The following SCN10A variants were observed in gnomAD, a reference collection of about 807,000 sequenced individuals.
SCN10A encodes sodium voltage-gated channel alpha subunit 10.
SCN10A carries 162 observed loss-of-function variants against 170.7 expected under a neutral mutation model. The ratio of observed to expected loss-of-function variants is 0.95; its 90% CI spans 0.84 to 1.08. The LOEUF is 1.08. SCN10A is among the 50% of genes least tolerant of loss of function. The pLI is 0.00. For synonymous variants in SCN10A, 985 were observed against 904.6 expected, an observed-to-expected ratio of 1.09 and a Z score of -1.59; for missense variants, 2,527 against 2,436.9, an observed-to-expected ratio of 1.04 and a Z score of -0.78.
At chr3:38,803,480 A>T (rs577569559) in intron 1 of SCN10A, among the ~76,000 whole-genome samples, 1 of 152,274 alleles carries the variant, frequency 6.6e-6, no homozygotes, top group Admixed American at 6.5e-5. Context: ...ATAAAAAAGG[A>T]TGATTTCATG....
intron 1 of SCN10A, among the ~76,000 whole-genome samples, chr3:38,805,477 C>A (rs2064399654): frequency 6.6e-6 from 1 of 152,102 alleles, no homozygotes; most frequent in African/African-American, 2.4e-5. Context: ...CTGGTCAAGA[C>A]TTTAAGAAGA....
At chr3:38,748,367 C>T (rs1013330397) in intron 13 of SCN10A, among the ~76,000 whole-genome samples, 10 of 152,146 alleles carry the variant, frequency 6.6e-5, no homozygotes, top group Admixed American at 6.5e-4. Flanking sequence ...AATGAGTACA[C>T]ATTTCTCAAA....
At chr3:38,770,880 C>T (rs2063991095) in intron 5 of SCN10A, among the ~76,000 whole-genome samples, 1 of 152,290 alleles carries the variant, frequency 6.6e-6, no homozygotes, top group Non-Finnish European at 1.5e-5. Flanking sequence ...GGAGTGCCTA[C>T]AAGGCACTTC....
intron 21 of SCN10A, among the ~76,000 whole-genome samples, chr3:38,718,219 A>G (rs1020134731): frequency 8.5e-5 from 13 of 152,216 alleles, no homozygotes; most frequent in African/African-American, 3.1e-4. Context: ...TGCATATTTC[A>G]TAGCTCCCCA....
At position 38,697,781 on chromosome 3, in the gene SCN10A, T is replaced by C. The variant is rs1575915291; in HGVS notation, c.5439A>G (p.Gly1813=). 1.2e-6 allele frequency: 2 copies of C among 1,614,206 alleles called. No homozygotes were observed. The highest frequency in any genetic ancestry group is 1.7e-6 in the Non-Finnish European group (2 of 1,180,030). Residue 1813 remains glycine (G), a synonymous_variant, in exon 28 of 28, where the codon GGA becomes GGG. Transcript: ENST00000449082. ...TCAGAGAATCCAACTCCCCGGATTCTCCTAGGACATTCTTGGTGAAAGCAA... is the reference window on the plus strand; with the variant it reads ...TCAGAGAATCCAACTCCCCGGATTCCCCTAGGACATTCTTGGTGAAAGCAA... The part of the protein sequence containing the change: ...ILFAFTKNVL[G]ESGELDSLKA...
At chr3:38,716,143 A>T (rs1296581695) in intron 21 of SCN10A, among the ~76,000 whole-genome samples, 1 of 151,878 alleles carries the variant, frequency 6.6e-6, no homozygotes, top group Non-Finnish European at 1.5e-5. Flanking sequence ...ACAGGGGGAG[A>T]AATGGGTAAC....
At chr3:38,784,951 A>G (rs1268554949) in intron 4 of SCN10A, among the ~76,000 whole-genome samples, 1 of 152,186 alleles carries the variant, frequency 6.6e-6, no homozygotes, top group Non-Finnish European at 1.5e-5. Flanking sequence ...CTTCAAGGAG[A>G]ACTAAAAATC....
chr3:38,750,973 C>T (rs1174035916), intron 12 of SCN10A, among the ~76,000 whole-genome samples: 1 of 152,204 alleles, frequency 6.6e-6, no homozygotes, highest in Non-Finnish European at 1.5e-5. Context: ...TCCATTTGCC[C>T]TGGAGACCTA....
At position 38,750,117 on chromosome 3, in the gene SCN10A, T is replaced by C. The variant is rs1324748514; in HGVS notation, c.1823A>G (p.Gln608Arg). ...GATACTGACAACACTCATTGCCCTT[T>C]GGGCCCGGAAAGGTTCATCTAAGTA... ...AEYLDEPFRA[Q>R]RAMSVVSIIT... The change falls in exon 13 of 28, where the codon CAA (glutamine) becomes CGA (arginine). Residue 608 changes from glutamine (Q) to arginine (R), a missense_variant. Gln to Arg is a conservative substitution (Grantham distance 43, BLOSUM62 1). Transcript: ENST00000449082. 4 of 1,613,208 alleles carry C rather than the reference T, an allele frequency of 2.5e-6. No homozygotes were observed. The highest frequency in any genetic ancestry group is 3.4e-6 in the Non-Finnish European group (4 of 1,179,450).
At chr3:38,747,029 C>T (rs991950759) in intron 13 of SCN10A, among the ~76,000 whole-genome samples, 1 of 152,166 alleles carries the variant, frequency 6.6e-6, no homozygotes, top group Non-Finnish European at 1.5e-5. Context: ...ATGAAGCATC[C>T]TTCAGGTGTC....
rs2125988853 is a variant in SCN10A at position 38,710,896 on chromosome 3, G to A, written c.4091C>T (p.Ala1364Val). The change falls in exon 24 of 28, where the codon GCA becomes GTA. Residue 1364 changes from alanine (A) to valine (V), a missense_variant and splice_region_variant. Ala to Val is a moderately conservative substitution (Grantham distance 64). Transcript: ENST00000449082. ...AMGYLALLQVATFKGWMDIMY... is the reference protein window; with the variant it reads ...AMGYLALLQVVTFKGWMDIMY... Reference sequence around the variant, plus strand: ...AATGTCCATCCAGCCTTTAAAGGTTGCCTGGAGACAAGGAGCAGAGGCCAC... The same window carrying A: ...AATGTCCATCCAGCCTTTAAAGGTTACCTGGAGACAAGGAGCAGAGGCCAC... The A allele has an allele frequency of 6.2e-7, 1 of 1,613,558 alleles. No individual in the cohort carries two copies. The highest frequency in any genetic ancestry group is 1.1e-5 in the South Asian group (1 of 90,914).
chr3:38,750,807 T>G (rs936901275), intron 12 of SCN10A, among the ~76,000 whole-genome samples: 1 of 152,160 alleles, frequency 6.6e-6, no homozygotes, highest in African/African-American at 2.4e-5. Flanking sequence ...GGTCAGAATA[T>G]CTAGACACAT....
rs9867199 is a variant in SCN10A, at chr3:38,799,124, A to G, written c.-32-5082T>C. Among the ~76,000 whole-genome samples, 1,165 of 152,028 alleles carry G rather than the reference A, an allele frequency of 7.7e-3. 17 individuals are homozygous for G. Among genetic ancestry groups the G allele is most frequent in the African/African-American group, 0.027 (1,107 of 41,480 alleles). On this transcript the variant is annotated intron_variant, in intron 1 of 27. Coordinates refer to ENST00000449082, the MANE Select transcript of SCN10A (RefSeq NM_006514.4). The stretch of plus-strand genomic sequence containing the variant: ...ATCAGGTGGGAGGGGTTCTTTCTCT[A>G]TTGTTCTTCTCTAAAGATCCCATGT...
intron 26 of SCN10A, among the ~76,000 whole-genome samples, chr3:38,706,465 A>G (rs1446567332): frequency 2.0e-5 from 3 of 152,214 alleles, no homozygotes; most frequent in Admixed American, 6.5e-5. Flanking sequence ...GGCCAATTCC[A>G]TTCACTGGAG....
Position 38,755,775 on chromosome 3 carries a change from C to G in SCN10A, c.1461+13G>C. The G allele has an allele frequency of 3.1e-6, 5 of 1,613,002 alleles. No homozygotes were observed. Among genetic ancestry groups the G allele is most frequent in the Non-Finnish European group, 4.2e-6 (5 of 1,179,960 alleles). ...GGTGGGTAATCTTTAGAGCACAAAC[C>G]TGAGCCTCTTACCATCCTGCGCTGG... On this transcript the variant is annotated intron_variant, in intron 11 of 27. Coordinates refer to ENST00000449082, the MANE Select transcript of SCN10A (RefSeq NM_006514.4).
rs1380674872 is a variant in SCN10A, at chr3:38,727,065, A to G, written c.2641-13T>C. 3.8e-6 allele frequency: 6 copies of G among 1,593,338 alleles called. No homozygotes were observed. Among genetic ancestry groups the G allele is most frequent in the Middle Eastern group, 1.7e-4 (1 of 6,034 alleles). ...ACAGGTTAAGCACCTGAAGAGAAGG[A>G]ATGGAAGGGAAGATTGATCAATCTC... On this transcript the variant is annotated splice_polypyrimidine_tract_variant and intron_variant, in intron 16 of 27. Transcript: ENST00000449082.
intron 13 of SCN10A, among the ~76,000 whole-genome samples, chr3:38,749,547 A>G (rs1256070539): frequency 6.6e-6 from 1 of 152,218 alleles, no homozygotes; most frequent in Non-Finnish European, 1.5e-5. Context: ...GATTGGTAGA[A>G]TTCTAAATTA....
At chr3:38,771,490 C>T (rs1210636537) in intron 4 of SCN10A, 83 bp from the exon 5 acceptor site, 39 of 1,405,114 alleles carry the variant, frequency 2.8e-5, no homozygotes, top group Non-Finnish European at 3.6e-5. Flanking sequence ...GGAGGGATGA[C>T]CTGCTCTGAC....
intron 1 of SCN10A, among the ~76,000 whole-genome samples, chr3:38,812,934 G>A (rs978064266): frequency 6.6e-6 from 1 of 152,070 alleles, no homozygotes; most frequent in African/African-American, 2.4e-5. Flanking sequence ...CTCAGGAGCT[G>A]AGGTAGGAGG....
Sources: gnomAD v4.1 joint callset for allele counts (sites outside exome capture counted in the v4.1 genomes callset) on GRCh38, gnomAD v4.1.1 for gene constraint, MANE v1.5 for transcripts, NCBI Gene and HGNC (gene_info 2026-07-23, HGNC 2026-07-21) for gene names.